Variants in SLFN13 observed in about 807,000 individuals in gnomAD.
The protein encoded by SLFN13 is schlafen family member 13.
SLFN13 carries 43 observed loss-of-function variants against 50.6 expected under a neutral mutation model. The ratio of observed to expected loss-of-function variants is 0.85; its 90% CI spans 0.67 to 1.09. The LOEUF is 1.09. SLFN13 is among the 50% of genes least tolerant of loss of function. The probability of loss-of-function intolerance (pLI) is 0.00; values close to 1 mark genes in which losing one functional copy is unlikely to be tolerated. For synonymous variants in SLFN13, 339 were observed against 386.5 expected (o/e 0.88, Z 1.44); for missense variants, 881 against 1,071.1 (o/e 0.82, Z 2.48).
rs1912626681 is a variant in SLFN13 at position 35,435,610 on chromosome 17, TTTG to T, written c.*4982_*4984del. 1 of 152,080 alleles carries T rather than the reference TTTG, an allele frequency of 6.6e-6. No individual in the cohort carries two copies. The highest frequency in any genetic ancestry group is 1.5e-5 in the Non-Finnish European group (1 of 68,012). 9.4% of individuals were successfully genotyped at this position (152,080 alleles called of 1,614,324 possible). A position where few individuals can be genotyped will look rare whatever the true frequency, so the allele number is the denominator to read the frequency against. Reference sequence around the variant, plus strand: ...CTGTTTGTTCATGCTGTAAATTCCCTTTGTTGATTTCCAAAAGTGTTTTTATAC... The same window carrying T: ...CTGTTTGTTCATGCTGTAAATTCCCTTTGATTTCCAAAAGTGTTTTTATAC... On this transcript the variant is annotated 3_prime_UTR_variant, in exon 6 of 6. Coordinates refer to ENST00000285013, the MANE Select transcript of SLFN13 (RefSeq NM_144682.6).
chr17:35,442,417 C>T (rs1459575060), intron 4 of SLFN13, 131 bp from the exon 5 acceptor site: 3 of 1,096,566 alleles, frequency 2.7e-6, no homozygotes, highest in South Asian at 1.8e-5. Flanking sequence ...CCTTCTGGTG[C>T]ATCTCTGGTT....
At chr17:35,446,932 C>G (rs1324369944) in intron 2 of SLFN13, 1 of 152,150 alleles carries the variant, frequency 6.6e-6, no homozygotes, top group Non-Finnish European at 1.5e-5. Context: ...TGTCAAGTTA[C>G]CTGTAAAATA....
In SLFN13 at chr17:35,440,435, A is replaced by G; in HGVS notation, c.*160T>C. ...AAGAGTTGGGGGAGGAACCCCTGAAAGGAGAGCCAGAAATGGGGGAGCTCC... is the reference window on the plus strand; with the variant it reads ...AAGAGTTGGGGGAGGAACCCCTGAAGGGAGAGCCAGAAATGGGGGAGCTCC... On this transcript the variant is annotated 3_prime_UTR_variant, in exon 6 of 6. Transcript: ENST00000285013. 1 of 857,754 alleles carries G rather than the reference A, an allele frequency of 1.2e-6. No individual in the cohort carries two copies. Among genetic ancestry groups the G allele is most frequent in the Non-Finnish European group, 1.8e-6 (1 of 562,236 alleles). The allele number at this position is 857,754 out of a possible 1,614,324, so 53.1% of individuals were successfully genotyped here. A position where few individuals can be genotyped will look rare whatever the true frequency, so the allele number is the denominator to read the frequency against.
rs1913156879 is a variant in SLFN13, at chr17:35,445,399, A to C, written c.282T>G (p.Ala94=). The stretch of plus-strand genomic sequence containing the variant: ...TTCCGTGTTGCTTAGTCTCAAAGAA[A>C]GCCTGCAAATATGGATACTGAATAA... ...RKLIQYPYLQ[A]FFETKQHGRC... Residue 94 remains alanine (A), a synonymous_variant, in exon 3 of 6, where the codon GCT becomes GCG. Transcript: ENST00000285013. 6.2e-7 allele frequency: 1 copy of C among 1,614,212 alleles called. No individual in the cohort carries two copies. Among genetic ancestry groups the C allele is most frequent in the Non-Finnish European group, 8.5e-7 (1 of 1,180,036 alleles).
upstream of SLFN13, among the ~76,000 whole-genome samples, chr17:35,449,098 G>A (rs191979979): frequency 6.6e-6 from 1 of 151,626 alleles, no homozygotes; most frequent in African/African-American, 2.4e-5. Context: ...TTAGTGGCGC[G>A]CGCCTGTAGA....
intron 4 of SLFN13, among the ~76,000 whole-genome samples, chr17:35,443,576 C>T (rs1391152835): frequency 1.3e-5 from 2 of 152,170 alleles, no homozygotes; most frequent in East Asian, 3.9e-4. Flanking sequence ...GCATGTTTAA[C>T]TACCTTCCAT....
Position 35,437,428 on chromosome 17 carries a change from C to G in SLFN13, c.*3167G>C, listed in dbSNP as rs1912674931. On this transcript the variant is annotated 3_prime_UTR_variant, in exon 6 of 6. Transcript: ENST00000285013. The stretch of plus-strand genomic sequence containing the variant: ...GGCTGGCCTCATATGATCCTCCCAC[C>G]TCAGCCTCCTGCTAATATATAATTT... The G allele has an allele frequency of 6.6e-6, 1 of 152,116 alleles. No homozygotes were observed. Among genetic ancestry groups the G allele is most frequent in the Non-Finnish European group, 1.5e-5 (1 of 68,034 alleles). The allele number at this position is 152,116 out of a possible 1,614,324, so 9.4% of individuals were successfully genotyped here.
At position 35,445,413 on chromosome 17, in the gene SLFN13, G is replaced by C. The variant is rs368869285; in HGVS notation, c.268C>G (p.Pro90Ala). 56 of 1,614,164 alleles carry C rather than the reference G, an allele frequency of 3.5e-5. No individual in the cohort carries two copies. In the African/African-American group the frequency reaches 7.2e-4, roughly 21 times the overall value. The part of the protein sequence containing the change: ...EESLRKLIQY[P>A]YLQAFFETKQ... ...GTCTCAAAGAAAGCCTGCAAATATG[G>C]ATACTGAATAAGCTTTCTCAAGGAT... is the stretch of plus-strand genomic sequence containing the variant. The change falls in exon 3 of 6, where the codon CCA (proline) becomes GCA (alanine). Residue 90 changes from proline (P) to alanine (A), a missense_variant. This residue lies in a region of SLFN13 where 497 missense variants were observed against 518.3 expected (regional missense o/e 0.96). Transcript: ENST00000285013.
intron 2 of SLFN13, chr17:35,445,944 T>C (rs1567865170): frequency 3.0e-6 from 1 of 332,674 alleles, no homozygotes; most frequent in Non-Finnish European, 5.4e-6. Context: ...TGAACGAATC[T>C]GGAGACCATG....
rs559255180 is a variant in SLFN13 at position 35,439,973 on chromosome 17, T to A, written c.*622A>T. ...TAAGCCTTGGTCTGGGTTATTCTGA[T>A]AACAAACTCTGGAGATCACAATTTT... On this transcript the variant is annotated 3_prime_UTR_variant, in exon 6 of 6. Coordinates refer to ENST00000285013, the MANE Select transcript of SLFN13 (RefSeq NM_144682.6). 5 of 152,370 alleles carry A rather than the reference T, an allele frequency of 3.3e-5. No individual in the cohort carries two copies. Among genetic ancestry groups the A allele is most frequent in the Admixed American group, 6.5e-5 (1 of 15,282 alleles). 9.4% of individuals were successfully genotyped at this position (152,370 alleles called of 1,614,324 possible).
chr17:35,440,798 T>G lies in SLFN13; in HGVS notation c.2491A>C (p.Arg831=). Reference sequence around the variant, plus strand: ...CTGAGCTGCACCACCATTTTCTTCCTCATTGCTTTCAAGAGCTTAGACTGA... The same window carrying G: ...CTGAGCTGCACCACCATTTTCTTCCGCATTGCTTTCAAGAGCTTAGACTGA... ...QYQSKLLKAM[R]KKMVVQLSDA... Residue 831 remains arginine (R), a synonymous_variant, in exon 6 of 6, where the codon AGG becomes CGG. Coordinates refer to ENST00000285013, the MANE Select transcript of SLFN13 (RefSeq NM_144682.6). 1 of 1,614,092 alleles carries G rather than the reference T, an allele frequency of 6.2e-7. No individual in the cohort carries two copies. Among genetic ancestry groups the G allele is most frequent in the South Asian group, 1.1e-5 (1 of 91,084 alleles).
In SLFN13 at chr17:35,440,736, C is replaced by A; in HGVS notation, c.2553G>T (p.Leu851Phe). The A allele has an allele frequency of 6.2e-7, 1 of 1,614,116 alleles. No homozygotes were observed. Among genetic ancestry groups the A allele is most frequent in the Non-Finnish European group, 8.5e-7 (1 of 1,180,030 alleles). ...ACDMLGVHIV[L>F]DSVRRFSGLE... The stretch of plus-strand genomic sequence containing the variant: ...GGCCTGAGAATCGCCGGACACTGTC[C>A]AACACAATGTGCACACCCAACATAT... The change falls in exon 6 of 6, where the codon TTG becomes TTT. Residue 851 changes from leucine (L) to phenylalanine (F), a missense_variant. Physicochemically the swap from Leu to Phe is conservative, Grantham distance 22. This residue lies in a region of SLFN13 where 322 missense variants were observed against 327.4 expected (regional missense o/e 0.98). Transcript: ENST00000285013.
At chr17:35,443,392 T>C (rs2142084996) in intron 4 of SLFN13, among the ~76,000 whole-genome samples, 1 of 152,356 alleles carries the variant, frequency 6.6e-6, no homozygotes, top group South Asian at 2.1e-4. Flanking sequence ...CCTTGAAAAG[T>C]AGACCAGAAG....
Position 35,436,585 on chromosome 17 carries a change from C to T in SLFN13, c.*4010G>A, listed in dbSNP as rs750054487. 1 of 152,094 alleles carries T rather than the reference C, an allele frequency of 6.6e-6. No homozygotes were observed. Among genetic ancestry groups the T allele is most frequent in the Non-Finnish European group, 1.5e-5 (1 of 68,030 alleles). 9.4% of individuals were successfully genotyped at this position (152,094 alleles called of 1,614,324 possible). On this transcript the variant is annotated 3_prime_UTR_variant, in exon 6 of 6. Coordinates refer to ENST00000285013, the MANE Select transcript of SLFN13 (RefSeq NM_144682.6). ...ACTTTATCCAAATGATCAGAGTTAACATCATCAGGAATGGAACTAATCACT... is the reference window on the plus strand; with the variant it reads ...ACTTTATCCAAATGATCAGAGTTAATATCATCAGGAATGGAACTAATCACT...
rs146687972 is a variant in SLFN13, at chr17:35,441,581, G to A, written c.1904C>T (p.Pro635Leu). The A allele has an allele frequency of 3.1e-6, 5 of 1,606,634 alleles. No homozygotes were observed. The highest frequency in any genetic ancestry group is 4.2e-6 in the Non-Finnish European group (5 of 1,178,434). Reference protein sequence around the residue: ...HRILYVCENQPLRNFISDRNI... With the variant: ...HRILYVCENQLLRNFISDRNI... ...TGCTTACCTGATAAAGTTCCTCAGA[G>A]GCTGGTTTTCACAAACGTAGAGAAT... Residue 635 changes from proline to leucine, a missense_variant, in exon 5 of 6, where the codon CCT becomes CTT. Physicochemically the swap from Pro to Leu is moderately conservative, Grantham distance 98. Transcript: ENST00000285013.
chr17:35,448,878 A>C (rs947307963), upstream of SLFN13: 1 of 152,322 alleles, frequency 6.6e-6, no homozygotes, highest in Admixed American at 6.5e-5. Flanking sequence ...GGACGCGCCA[A>C]TGGGAGTGTC....
rs1231738411 is a variant in SLFN13 at position 35,447,353 on chromosome 17, C to CA, written c.-100dup. 1 of 152,110 alleles carries CA rather than the reference C, an allele frequency of 6.6e-6. No individual in the cohort carries two copies. The highest frequency in any genetic ancestry group is 2.4e-5 in the African/African-American group (1 of 41,394). 9.4% of individuals were successfully genotyped at this position (152,110 alleles called of 1,614,324 possible). A position where few individuals can be genotyped will look rare whatever the true frequency, so the allele number is the denominator to read the frequency against. ...CCTTTCTTAATGTAACCAGACTTCC[C>CA]ACCAGCACAGTGAATGCCCACCGCC... is the stretch of plus-strand genomic sequence containing the variant. On this transcript the variant is annotated 5_prime_UTR_variant, in exon 2 of 6. Transcript: ENST00000285013.
In SLFN13 at chr17:35,439,281, G is replaced by C. The variant is rs1241805219; in HGVS notation, c.*1314C>G. 6.6e-6 allele frequency: 1 copy of C among 152,064 alleles called. No individual in the cohort carries two copies. Among genetic ancestry groups the C allele is most frequent in the Non-Finnish European group, 1.5e-5 (1 of 68,030 alleles). 9.4% of individuals were successfully genotyped at this position (152,064 alleles called of 1,614,324 possible). A position where few individuals can be genotyped will look rare whatever the true frequency, so the allele number is the denominator to read the frequency against. On this transcript the variant is annotated 3_prime_UTR_variant, in exon 6 of 6. Coordinates refer to ENST00000285013, the MANE Select transcript of SLFN13 (RefSeq NM_144682.6). ...CCCCAGCTCCACAGTGAAGGTTGGG[G>C]CTTCAACATGGGAATTTAGGGGTGA... is the stretch of plus-strand genomic sequence containing the variant.
At chr17:35,443,537 A>G (rs1406954674) in intron 4 of SLFN13, among the ~76,000 whole-genome samples, 1 of 152,150 alleles carries the variant, frequency 6.6e-6, no homozygotes, top group African/African-American at 2.4e-5. Context: ...TTAAGCGTTC[A>G]TAAGTTCTTG....
Sources: allele counts gnomAD v4.1 joint callset (sites outside exome capture counted in the v4.1 genomes callset), GRCh38; gene constraint gnomAD v4.1.1; regional missense constraint gnomAD v4.1.1; transcripts MANE v1.5; gene names NCBI Gene and HGNC (gene_info 2026-07-23, HGNC 2026-07-21).